ADAMTS19: variants seen among roughly 807,000 people sequenced by gnomAD.
ADAMTS19 encodes the protein A disintegrin and metalloproteinase with thrombospondin motifs 19.
Under a neutral mutation model 153.3 loss-of-function variants are expected in ADAMTS19, and 93 were observed. The observed-to-expected ratio is 0.61, with a 90% confidence interval of 0.51 to 0.72. ADAMTS19 has a LOEUF of 0.72. Among genes scored for constraint, ADAMTS19 ranks in the 30% least tolerant of loss-of-function variants. The probability of loss-of-function intolerance (pLI) is 0.00; values close to 1 mark genes in which losing one functional copy is unlikely to be tolerated. For synonymous variants in ADAMTS19, 600 were observed against 556.6 expected (o/e 1.08, Z -1.10); for missense variants, 1,482 against 1,552.1 (o/e 0.95, Z 0.76).
intron 16 of ADAMTS19, among the ~76,000 whole-genome samples, chr5:129,668,004 G>A (rs1439155736): frequency 1.3e-5 from 2 of 152,160 alleles, no homozygotes; most frequent in African/African-American, 4.8e-5. Context: ...TAGTTCTGTA[G>A]GCCAGAAGTC....
In ADAMTS19 at chr5:129,610,975, C is replaced by T. The variant is rs1024939326; in HGVS notation, c.1479-9643C>T. On this transcript the variant is annotated intron_variant, in intron 8 of 22. Coordinates refer to ENST00000274487, the MANE Select transcript of ADAMTS19 (RefSeq NM_133638.6). ...TGTTGTTCCCTGACTTTTTAATGAT[C>T]GCCATTCTAACTGGTGTGAGATGGT... is the stretch of plus-strand genomic sequence containing the variant. Among the ~76,000 whole-genome samples the T allele has an allele frequency of 1.3e-3, 205 of 152,174 alleles. 1 individual carries two copies. The highest frequency in any genetic ancestry group is 4.4e-3 in the African/African-American group (181 of 41,526).
intron 14 of ADAMTS19, among the ~76,000 whole-genome samples, chr5:129,657,197 A>C (rs1454810583): frequency 6.6e-6 from 1 of 152,146 alleles, no homozygotes; most frequent in Admixed American, 6.6e-5. Flanking sequence ...CCCGCTTGAC[A>C]AAAGGAAGGA....
intron 3 of ADAMTS19, among the ~76,000 whole-genome samples, chr5:129,514,002 T>C (rs189416201): frequency 2.7e-4 from 41 of 152,208 alleles, no homozygotes; most frequent in African/African-American, 9.9e-4. Flanking sequence ...TTCAATAGTT[T>C]TGATTTTTAG....
In ADAMTS19 at chr5:129,537,310, A is replaced by C. The variant is rs182483364; in HGVS notation, c.1328+8633A>C. 3.0e-3 allele frequency among the ~76,000 whole-genome samples: 456 copies of C among 152,252 alleles called. 2 individuals carry two copies. Among genetic ancestry groups the C allele is most frequent in the Admixed American group, 6.5e-3 (100 of 15,288 alleles). On this transcript the variant is annotated intron_variant, in intron 6 of 22. Transcript: ENST00000274487. ...GGAGAGGATGTGGAGAAATAGGAAC[A>C]TGTTTACATTGTTGGTGGGACTGTA... is the stretch of plus-strand genomic sequence containing the variant.
chr5:129,711,833 T>C (rs954230605), intron 21 of ADAMTS19, among the ~76,000 whole-genome samples: 6 of 152,168 alleles, frequency 3.9e-5, no homozygotes, highest in African/African-American at 1.2e-4. Context: ...TCTTTTAATA[T>C]TCTACTGTAT....
chr5:129,596,514 G>T (rs779241726), intron 7 of ADAMTS19, 45 bp from the exon 8 acceptor site: 2 of 1,261,850 alleles, frequency 1.6e-6, no homozygotes, highest in Admixed American at 2.0e-5. Flanking sequence ...ATAAATATTT[G>T]CATATTCATT....
At chr5:129,528,065 T>G (rs1752078731) in intron 5 of ADAMTS19, among the ~76,000 whole-genome samples, 1 of 151,984 alleles carries the variant, frequency 6.6e-6, no homozygotes, top group South Asian at 2.1e-4. Flanking sequence ...TTCCAAAGTA[T>G]AATTTTAAGA....
chr5:129,612,728 A>G (rs1751293883), intron 8 of ADAMTS19, among the ~76,000 whole-genome samples: 1 of 152,186 alleles, frequency 6.6e-6, no homozygotes, highest in East Asian at 1.9e-4. Flanking sequence ...GCTCCAATTA[A>G]AAGACACAGA....
intron 11 of ADAMTS19, among the ~76,000 whole-genome samples, chr5:129,644,815 T>C (rs1287592086): frequency 1.3e-5 from 2 of 152,160 alleles, no homozygotes; most frequent in African/African-American, 2.4e-5. Context: ...CTTAGACTGT[T>C]TGGAAGGATT....
intron 21 of ADAMTS19, among the ~76,000 whole-genome samples, chr5:129,716,781 C>T (rs903337671): frequency 3.3e-5 from 5 of 152,046 alleles, no homozygotes; most frequent in African/African-American, 1.2e-4. Flanking sequence ...CCCACAGCTC[C>T]GTCTATTCAC....
At chr5:129,664,781 GTGAAACT>G (rs1753965897) in intron 15 of ADAMTS19, among the ~76,000 whole-genome samples, 1 of 152,054 alleles carries the variant, frequency 6.6e-6, no homozygotes, top group African/African-American at 2.4e-5. Context: ...TCTGCACTAA[GTGAAACT>G]TGAGTCTGTA....
intron 14 of ADAMTS19, among the ~76,000 whole-genome samples, chr5:129,657,540 T>A (rs1008841822): frequency 2.0e-5 from 3 of 152,192 alleles, no homozygotes; most frequent in Non-Finnish European, 2.9e-5. Flanking sequence ...TAAACATTAT[T>A]TACAAGAAAA....
In ADAMTS19 at chr5:129,477,609, T is replaced by C. The variant is rs531602341; in HGVS notation, c.747+15852T>C. ...TTGGGGACACCCTAACACTGCACAT[T>C]AATATGGTTTAAAAGGTCTCCAAAG... On this transcript the variant is annotated intron_variant, in intron 2 of 22. Transcript: ENST00000274487. Among the ~76,000 whole-genome samples the C allele has an allele frequency of 3.3e-5, 5 of 152,320 alleles. No individual in the cohort carries two copies. In the East Asian group the frequency reaches 7.7e-4, roughly 24 times the overall value.
At chr5:129,559,655 C>T (rs894985452) in intron 7 of ADAMTS19, among the ~76,000 whole-genome samples, 2 of 152,088 alleles carry the variant, frequency 1.3e-5, no homozygotes, top group African/African-American at 4.8e-5. Flanking sequence ...TACACATACA[C>T]CTTAGAGAAT....
rs1327000858 is a variant in ADAMTS19 at position 129,466,445 on chromosome 5, A to G, written c.747+4688A>G. Reference sequence around the variant, plus strand: ...AAAAAGAGCAGGTATATATTCATGGAAAAAATAAATTAAAAAAATAGGAAC... The same window carrying G: ...AAAAAGAGCAGGTATATATTCATGGGAAAAATAAATTAAAAAAATAGGAAC... On this transcript the variant is annotated intron_variant, in intron 2 of 22. Coordinates refer to ENST00000274487, the MANE Select transcript of ADAMTS19 (RefSeq NM_133638.6). Among the ~76,000 whole-genome samples, 11 of 152,288 alleles carry G rather than the reference A, an allele frequency of 7.2e-5. No individual in the cohort carries two copies. The East Asian group carries it at 1.3e-3, about 19-fold the overall frequency.
intron 10 of ADAMTS19, among the ~76,000 whole-genome samples, chr5:129,637,165 A>G (rs1752567052): frequency 6.6e-6 from 1 of 152,192 alleles, no homozygotes; most frequent in Non-Finnish European, 1.5e-5. Context: ...AGATTTTCTT[A>G]GATGCCCTTT....
chr5:129,710,353 T>G (rs549653840), intron 21 of ADAMTS19, among the ~76,000 whole-genome samples: 61 of 152,356 alleles, frequency 4.0e-4, no homozygotes, highest in African/African-American at 1.5e-3. Flanking sequence ...GTACCACATT[T>G]TCTTGATCCA....
intron 5 of ADAMTS19, among the ~76,000 whole-genome samples, chr5:129,528,211 A>G (rs755432677): frequency 1.9e-4 from 29 of 152,042 alleles, no homozygotes; most frequent in Non-Finnish European, 4.0e-4. Context: ...ATGGTGTTCT[A>G]CATAGAAAAT....
intron 7 of ADAMTS19, among the ~76,000 whole-genome samples, chr5:129,565,245 A>G (rs1472561595): frequency 6.6e-6 from 1 of 152,210 alleles, no homozygotes; most frequent in Non-Finnish European, 1.5e-5. Flanking sequence ...AGCTGATTCT[A>G]TACCATTTCT....
Sources: gnomAD v4.1 joint callset for allele counts (sites outside exome capture counted in the v4.1 genomes callset) on GRCh38, gnomAD v4.1.1 for gene constraint, MANE v1.5 for transcripts, NCBI Gene and HGNC (gene_info 2026-07-23, HGNC 2026-07-21) for gene names.